The following PACSIN3 variants were observed in gnomAD, a reference collection of about 807,000 sequenced individuals.
The protein encoded by PACSIN3 is protein kinase C and casein kinase substrate in neurons 3, also known as protein kinase C and casein kinase substrate in neurons protein 3.
In PACSIN3, 34 loss-of-function variants were observed where a neutral mutation model predicts 56.1. That is an observed-to-expected ratio of 0.61 (90% CI 0.46 to 0.81). The LOEUF is 0.81. Among genes scored for constraint, PACSIN3 ranks in the 30% least tolerant of loss-of-function variants. The probability of loss-of-function intolerance (pLI) is 0.00; values close to 1 mark genes in which losing one functional copy is unlikely to be tolerated. For synonymous variants in PACSIN3, 218 were observed against 229.8 expected (o/e 0.95, Z 0.46); for missense variants, 535 against 592.4 (o/e 0.90, Z 1.01).
In PACSIN3 at chr11:47,178,188, G is replaced by C; in HGVS notation, c.1160-142C>G. 6 of 1,172,272 alleles carry C rather than the reference G, an allele frequency of 5.1e-6. No individual in the cohort carries two copies. The South Asian group carries it at 8.3e-5, about 16-fold the overall frequency. 72.6% of individuals were successfully genotyped at this position (1,172,272 alleles called of 1,614,324 possible). A position where few individuals can be genotyped will look rare whatever the true frequency, so the allele number is the denominator to read the frequency against. ...CTCAGGCAGAGGCAGGTCAAGGTCA[G>C]CAAGCTGCCCCACCCCAGACCCTGA... On this transcript the variant is annotated intron_variant, in intron 10 of 10. Transcript: ENST00000298838. The surrounding 1 kb of genome is among the most constrained non-coding windows in gnomAD (Gnocchi z 4.2).
At chr11:47,185,367 C>T (rs1353674542) in intron 1 of PACSIN3, 4 of 152,468 alleles carry the variant, frequency 2.6e-5, no homozygotes, top group Non-Finnish European at 4.4e-5. Context: ...TGGCCCATCC[C>T]TGGAACCTGA....
intron 1 of PACSIN3, among the ~76,000 whole-genome samples, chr11:47,183,653 A>G (rs577198449): frequency 2.6e-4 from 40 of 152,250 alleles, no homozygotes; most frequent in Non-Finnish European, 5.0e-4. Context: ...TGGGGAACAC[A>G]CAACCCGGGC....
Position 47,180,583 on chromosome 11 carries a change from T to C in PACSIN3, c.319A>G (p.Ser107Gly), listed in dbSNP as rs1461258418. ...CGCTGCCAGGCGCGCACCCGCTCAC[T>C]GTCCTGCCCTTGCAGCTTCTCCCGC... ...EVREKLQGQD[S>G]ERVRAWQRGA... Residue 107 changes from serine to glycine, a missense_variant, in exon 5 of 11, where the codon AGT (serine) becomes GGT (glycine). Physicochemically the swap from Ser to Gly is moderately conservative, Grantham distance 56. Transcript: ENST00000298838. 1 of 1,604,852 alleles carries C rather than the reference T, an allele frequency of 6.2e-7. No homozygotes were observed. Among genetic ancestry groups the C allele is most frequent in the Non-Finnish European group, 8.5e-7 (1 of 1,179,820 alleles).
At chr11:47,181,604 G>A (rs61897852) in intron 4 of PACSIN3, among the ~76,000 whole-genome samples, 12,253 of 152,054 alleles carry the variant, frequency 0.081, 502 homozygotes, top group Non-Finnish European at 0.089. Context: ...AGAAAGGACC[G>A]CTAGAGCCCA....
At chr11:47,183,491 C>T (rs758048128) in intron 1 of PACSIN3, among the ~76,000 whole-genome samples, 3 of 152,240 alleles carry the variant, frequency 2.0e-5, no homozygotes, top group Non-Finnish European at 4.4e-5. Flanking sequence ...CCCCAGCTCC[C>T]TCTAAGATGG....
Position 47,179,124 on chromosome 11 carries a change from C to A in PACSIN3, c.900+35G>T. ...TGGCCGAGCTGAGTGGGAGCCCATC[C>A]CACCTCCCATCCCCACCCCGCCTGG... On this transcript the variant is annotated intron_variant, in intron 8 of 10. Transcript: ENST00000298838. This position sits in a 1 kb window ranked among gnomAD's most constrained non-coding sequence, Gnocchi z 4.4. 1 of 1,613,270 alleles carries A rather than the reference C, an allele frequency of 6.2e-7. No homozygotes were observed. The highest frequency in any genetic ancestry group is 1.1e-5 in the South Asian group (1 of 91,080).
At chr11:47,184,936 C>T (rs1590976427) in intron 1 of PACSIN3, among the ~76,000 whole-genome samples, 6 of 152,250 alleles carry the variant, frequency 3.9e-5, no homozygotes, top group Admixed American at 1.3e-4. Context: ...GGCACAGCTC[C>T]CTCCGGCCTC....
At position 47,179,802 on chromosome 11, in the gene PACSIN3, A is replaced by G. The variant is rs1356668855; in HGVS notation, c.604-216T>C. 5 of 581,500 alleles carry G rather than the reference A, an allele frequency of 8.6e-6. No individual in the cohort carries two copies. Among genetic ancestry groups the G allele is most frequent in the Admixed American group, 3.1e-5 (1 of 32,190 alleles). 36.0% of individuals were successfully genotyped at this position (581,500 alleles called of 1,614,324 possible). On this transcript the variant is annotated intron_variant, in intron 6 of 10. Transcript: ENST00000298838. This position sits in a 1 kb window ranked among gnomAD's most constrained non-coding sequence, Gnocchi z 4.4. ...ATAAAAGAGTCTGGTGAGGATTGAA[A>G]TGAGGTCAACCTACAGGAAAGGATG... is the stretch of plus-strand genomic sequence containing the variant.
At chr11:47,185,107 C>T (rs954818530) in intron 1 of PACSIN3, among the ~76,000 whole-genome samples, 5 of 152,258 alleles carry the variant, frequency 3.3e-5, no homozygotes, top group Non-Finnish European at 5.9e-5. Flanking sequence ...CAGTCCCCAC[C>T]GCAGGCAAGA....
rs2135460240 is a variant in PACSIN3 at position 47,182,529 on chromosome 11, C to T, written c.85G>A (p.Val29Met). 2 of 1,613,102 alleles carry T rather than the reference C, an allele frequency of 1.2e-6. No individual in the cohort carries two copies. The highest frequency in any genetic ancestry group is 1.1e-5 in the South Asian group (1 of 91,062). Residue 29 changes from valine (V) to methionine (M), a missense_variant, in exon 4 of 11, where the codon GTG (valine) becomes ATG (methionine). Coordinates refer to ENST00000298838, the MANE Select transcript of PACSIN3 (RefSeq NM_016223.5). ...AGNYRRTVQRVEDGHRLCGDL... is the reference protein window; with the variant it reads ...AGNYRRTVQRMEDGHRLCGDL... The stretch of plus-strand genomic sequence containing the variant: ...CCGCACAGCCGGTGCCCGTCCTCCA[C>T]CCGCTGTACCGTGCGCCTGTAGTTG...
rs1952941414 is a variant in PACSIN3 at position 47,178,552 on chromosome 11, A to G, written c.1038-65T>C. 2.5e-6 allele frequency: 4 copies of G among 1,579,164 alleles called. No homozygotes were observed. In the Admixed American group the frequency reaches 7.0e-5, roughly 28 times the overall value. ...GAACACGGGGCTGGAGATCTCACCC[A>G]GGATCAGGGCAAAGGCCTCCCTACC... On this transcript the variant is annotated intron_variant, in intron 9 of 10. Coordinates refer to ENST00000298838, the MANE Select transcript of PACSIN3 (RefSeq NM_016223.5). The surrounding 1 kb of genome is among the most constrained non-coding windows in gnomAD (Gnocchi z 4.2).
intron 1 of PACSIN3, among the ~76,000 whole-genome samples, chr11:47,183,952 G>A (rs1953074761): frequency 6.6e-6 from 1 of 152,078 alleles, no homozygotes. Flanking sequence ...AACCTAGGAG[G>A]CGGAGGAGGT....
rs113148315 is a variant in PACSIN3, at chr11:47,178,979, G to A, written c.952C>T (p.Arg318Trp). The change falls in exon 9 of 11, where the codon CGG becomes TGG. Residue 318 changes from arginine to tryptophan, a missense_variant. By Grantham distance (101) the Arg-to-Trp change is moderately radical. Transcript: ENST00000298838. This position sits in a 1 kb window ranked among gnomAD's most constrained non-coding sequence, Gnocchi z 4.2. ...GTCAGGGTAACCTCATCAGGGCTCC[G>A]GCCACCCTTCTCTTTCCGGCTGATT... is the stretch of plus-strand genomic sequence containing the variant. ...RTISRKEKGGRSPDEVTLTSI... is the reference protein window; with the variant it reads ...RTISRKEKGGWSPDEVTLTSI... 89 of 1,614,046 alleles carry A rather than the reference G, an allele frequency of 5.5e-5. No homozygotes were observed. The highest frequency in any genetic ancestry group is 1.5e-4 in the African/African-American group (11 of 75,020).
intron 4 of PACSIN3, 88 bp downstream of exon 4, chr11:47,182,315 T>C (rs965684269): frequency 1.0e-5 from 14 of 1,396,730 alleles, no homozygotes; most frequent in African/African-American, 1.4e-5. Context: ...CGTGGAGGCC[T>C]CAAACTTCCC....
chr11:47,180,439 C>A lies in PACSIN3; in HGVS notation c.447+16G>T. 4 of 1,592,064 alleles carry A rather than the reference C, an allele frequency of 2.5e-6. No homozygotes were observed. The highest frequency in any genetic ancestry group is 3.4e-6 in the Non-Finnish European group (4 of 1,171,542). ...GGAAGGAGCCTGTCTCGGATACCTC[C>A]CCCACCCAGCCTCACCTCCTTCAGC... On this transcript the variant is annotated intron_variant, in intron 5 of 10. Coordinates refer to ENST00000298838, the MANE Select transcript of PACSIN3 (RefSeq NM_016223.5).
chr11:47,180,452 C>G lies in PACSIN3; in HGVS notation c.447+3G>C. ...CTCGGATACCTCCCCCACCCAGCCT[C>G]ACCTCCTTCAGCCTCTTCAGCCAGG... On this transcript the variant is annotated splice_donor_region_variant and intron_variant, in intron 5 of 10. Coordinates refer to ENST00000298838, the MANE Select transcript of PACSIN3 (RefSeq NM_016223.5). 6.3e-7 allele frequency: 1 copy of G among 1,596,182 alleles called. No homozygotes were observed. Among genetic ancestry groups the G allele is most frequent in the Non-Finnish European group, 8.5e-7 (1 of 1,173,508 alleles).
rs530271460 is a variant in PACSIN3, at chr11:47,182,294, G to C, written c.211+109C>G. ...GACCAGGAGGATCTTCCCTTTCTAA[G>C]GGAGGGTAGACGTGGAGGCCTCAAA... On this transcript the variant is annotated intron_variant, in intron 4 of 10. Coordinates refer to ENST00000298838, the MANE Select transcript of PACSIN3 (RefSeq NM_016223.5). 5.4e-5 allele frequency: 57 copies of C among 1,047,430 alleles called. No individual in the cohort carries two copies. The Middle Eastern group carries it at 9.0e-4, about 16-fold the overall frequency. The allele number at this position is 1,047,430 out of a possible 1,614,324, so 64.9% of individuals were successfully genotyped here.
chr11:47,178,297 T>G lies in PACSIN3; in HGVS notation c.1159+69A>C. 1 of 1,583,588 alleles carries G rather than the reference T, an allele frequency of 6.3e-7. No individual in the cohort carries two copies. The highest frequency in any genetic ancestry group is 1.1e-5 in the South Asian group (1 of 87,770). On this transcript the variant is annotated intron_variant, in intron 10 of 10. Transcript: ENST00000298838. The surrounding 1 kb of genome is among the most constrained non-coding windows in gnomAD (Gnocchi z 4.2). ...GCCCTTAAGAAGTGGGTATTTGGCT[T>G]CCCTTTCTGACACCCCTGCTCAGGC...
chr11:47,183,990 C>G (rs1473639520), intron 1 of PACSIN3, among the ~76,000 whole-genome samples: 5 of 151,182 alleles, frequency 3.3e-5, no homozygotes, highest in African/African-American at 9.8e-5. Context: ...ATACCACCGC[C>G]TGGGCAACAG....
Sources: allele counts gnomAD v4.1 joint callset (sites outside exome capture counted in the v4.1 genomes callset), GRCh38; gene constraint gnomAD v4.1.1; non-coding constraint Gnocchi (gnomAD v3.1); transcripts MANE v1.5; gene names NCBI Gene and HGNC (gene_info 2026-07-23, HGNC 2026-07-21).